Variants in DIP2B observed in about 807,000 individuals in gnomAD.
DIP2B encodes the protein DIP2 acetate--CoA ligase B (putative).
In DIP2B, 76 loss-of-function variants were observed where a neutral mutation model predicts 198.0. The ratio of observed to expected loss-of-function variants is 0.38; its 90% CI spans 0.32 to 0.46. The LOEUF is 0.46. Among genes scored for constraint, DIP2B ranks in the 20% least tolerant of loss-of-function variants. The pLI is 0.99. For missense variants in DIP2B, 1,559 were observed against 1,978.4 expected (o/e 0.79, Z 4.02); for synonymous variants, 701 against 739.1 (o/e 0.95, Z 0.84).
chr12:50,618,199 T>C (rs901611821), intron 1 of DIP2B, among the ~76,000 whole-genome samples: 3 of 152,206 alleles, frequency 2.0e-5, no homozygotes, highest in African/African-American at 7.2e-5. Flanking sequence ...TTTAAAAGAA[T>C]GTTAGATTGG....
At chr12:50,651,335 T>A (rs1296401433) in intron 3 of DIP2B, among the ~76,000 whole-genome samples, 2 of 152,230 alleles carry the variant, frequency 1.3e-5, no homozygotes, top group East Asian at 3.8e-4. Flanking sequence ...AAGTTTAATG[T>A]AGTCTTATTT....
intron 14 of DIP2B, among the ~76,000 whole-genome samples, chr12:50,693,883 T>A (rs1939261218): frequency 6.6e-6 from 1 of 152,026 alleles, no homozygotes; most frequent in Non-Finnish European, 1.5e-5. Flanking sequence ...AGTTAGAGAG[T>A]GAGCAAAATG....
intron 5 of DIP2B, among the ~76,000 whole-genome samples, chr12:50,673,875 AGATCCAAATTACCTATGGATTATTGTAT>A (rs1359319915): frequency 2.0e-5 from 3 of 152,226 alleles, no homozygotes; most frequent in African/African-American, 4.8e-5. Context: ...TCTGTCAAGG[AGATCCAAATTACCTATGGATTATTGTAT>A]GATCCAAATT....
intron 35 of DIP2B, among the ~76,000 whole-genome samples, chr12:50,737,410 G>A (rs1023073330): frequency 1.3e-5 from 2 of 152,136 alleles, no homozygotes; most frequent in East Asian, 1.9e-4. Context: ...AAACTGAAAG[G>A]AGTCACATAC....
At position 50,686,670 on chromosome 12, in the gene DIP2B, G is replaced by C. The variant is rs770989508; in HGVS notation, c.1539G>C (p.Pro513=). ...ACATCTCACCTGCTGGGACAGAACC[G>C]GCATACATTGAGGTAAGTCCTAAGA... ...QPHISPAGTE[P]AYIEYKTSKE... Residue 513 remains proline (P), a synonymous_variant, in exon 12 of 38, where the codon CCG becomes CCC. Transcript: ENST00000301180. The C allele has an allele frequency of 6.2e-7, 1 of 1,613,706 alleles. No individual in the cohort carries two copies. The highest frequency in any genetic ancestry group is 2.2e-5 in the East Asian group (1 of 44,858).
intron 23 of DIP2B, 23 bp downstream of exon 23, chr12:50,714,619 C>G (rs1204071751): frequency 6.2e-7 from 1 of 1,613,278 alleles, no homozygotes; most frequent in Admixed American, 1.7e-5. Flanking sequence ...CTTCCAAGAC[C>G]TGGCACTAAA....
chr12:50,557,408 T>C, intron 1 of DIP2B, among the ~76,000 whole-genome samples: 1 of 152,206 alleles, frequency 6.6e-6, no homozygotes, highest in East Asian at 1.9e-4. Flanking sequence ...CTACTATGGC[T>C]TGGATGATCT....
At chr12:50,645,322 A>G (rs944042740) in intron 3 of DIP2B, among the ~76,000 whole-genome samples, 21 of 152,362 alleles carry the variant, frequency 1.4e-4, no homozygotes, top group African/African-American at 4.6e-4. Context: ...ATATACATAC[A>G]TATACAAAGA....
chr12:50,637,902 A>G (rs986789310), intron 2 of DIP2B, among the ~76,000 whole-genome samples: 5 of 152,164 alleles, frequency 3.3e-5, no homozygotes, highest in African/African-American at 1.2e-4. Flanking sequence ...CATCCTTACC[A>G]TATTCAAACA....
At chr12:50,507,509 C>G (rs1371371335) in intron 1 of DIP2B, among the ~76,000 whole-genome samples, 5 of 152,170 alleles carry the variant, frequency 3.3e-5, no homozygotes, top group African/African-American at 7.2e-5. Flanking sequence ...AGTTACTCTG[C>G]TCTAACATAA....
chr12:50,691,191 A>T (rs768709578), intron 13 of DIP2B, 40 bp downstream of exon 13: 1 of 1,562,084 alleles, frequency 6.4e-7, no homozygotes, highest in Non-Finnish European at 8.8e-7. Flanking sequence ...TGTTACCTTC[A>T]GAGATGTGTG....
At chr12:50,587,300 G>T (rs1958779691) in intron 1 of DIP2B, among the ~76,000 whole-genome samples, 1 of 152,054 alleles carries the variant, frequency 6.6e-6, no homozygotes, top group African/African-American at 2.4e-5. Context: ...AGATTCTGTG[G>T]CTAGTCTGTT....
chr12:50,642,584 G>A (rs1057274928), intron 3 of DIP2B, among the ~76,000 whole-genome samples: 2 of 152,108 alleles, frequency 1.3e-5, no homozygotes, highest in African/African-American at 2.4e-5. Context: ...TCAGGAGTTC[G>A]AGACCATCCT....
chr12:50,505,332 C>A, intron 1 of DIP2B, 92 bp downstream of exon 1: 1 of 1,047,862 alleles, frequency 9.5e-7, no homozygotes, highest in Non-Finnish European at 1.3e-6. Context: ...GGCGGCCGTG[C>A]GGCGAGGGGG....
intron 8 of DIP2B, 67 bp downstream of exon 8, chr12:50,678,943 T>C (rs1217575040): frequency 7.1e-6 from 11 of 1,557,168 alleles, no homozygotes; most frequent in Admixed American, 1.7e-5. Flanking sequence ...GTAGTGTTTT[T>C]ATCTAGATAC....
chr12:50,616,075 T>C (rs945793351), intron 1 of DIP2B, among the ~76,000 whole-genome samples: 1 of 152,270 alleles, frequency 6.6e-6, no homozygotes, highest in African/African-American at 2.4e-5. Flanking sequence ...TGTTGCTTTT[T>C]GTTTGAACTT....
chr12:50,612,054 CAT>C (rs1959036845), intron 1 of DIP2B, among the ~76,000 whole-genome samples: 1 of 151,290 alleles, frequency 6.6e-6, no homozygotes, highest in African/African-American at 2.4e-5. Context: ...AGGTGGCTCA[CAT>C]GTGTAATCTC....
At chr12:50,646,500 C>T (rs557647927) in intron 3 of DIP2B, among the ~76,000 whole-genome samples, 2 of 152,148 alleles carry the variant, frequency 1.3e-5, no homozygotes, top group South Asian at 2.1e-4. Context: ...TGGCTCATTG[C>T]AACCTCCGCC....
chr12:50,519,756 G>C (rs531765745), intron 1 of DIP2B, among the ~76,000 whole-genome samples: 2 of 151,300 alleles, frequency 1.3e-5, no homozygotes, highest in South Asian at 4.2e-4. Context: ...ATGTATAAAT[G>C]AACATAGATG....
Sources: allele counts gnomAD v4.1 joint callset (sites outside exome capture counted in the v4.1 genomes callset), GRCh38; gene constraint gnomAD v4.1.1; transcripts MANE v1.5; gene names NCBI Gene and HGNC (gene_info 2026-07-23, HGNC 2026-07-21).